MAP3K5: variants seen among roughly 807,000 people sequenced by gnomAD.
MAP3K5 encodes mitogen-activated protein kinase kinase kinase 5.
MAP3K5 carries 56 observed loss-of-function variants against 158.7 expected under a neutral mutation model. That is an observed-to-expected ratio of 0.35 (90% CI 0.28 to 0.44). MAP3K5 has a LOEUF of 0.44. MAP3K5 is among the 20% of genes least tolerant of loss of function. The pLI is 1.00. For missense variants in MAP3K5, 1,294 were observed against 1,674.8 expected (o/e 0.77, Z 3.97); for synonymous variants, 579 against 601.7 (o/e 0.96, Z 0.55).
intron 23 of MAP3K5, among the ~76,000 whole-genome samples, chr6:136,587,372 T>C (rs1334428902): frequency 1.3e-5 from 2 of 152,212 alleles, no homozygotes; most frequent in Non-Finnish European, 2.9e-5. Context: ...CAGTTAACAA[T>C]TGTGGAATAT....
At chr6:136,768,820 G>A (rs953871987) in intron 1 of MAP3K5, among the ~76,000 whole-genome samples, 1 of 152,088 alleles carries the variant, frequency 6.6e-6, no homozygotes, top group African/African-American at 2.4e-5. Flanking sequence ...GGCTAAAGCA[G>A]GAGAATCGCT....
chr6:136,662,335 CTTT>C (rs376644507), intron 8 of MAP3K5, among the ~76,000 whole-genome samples: 3,680 of 152,270 alleles, frequency 0.024, 151 homozygotes, highest in African/African-American at 0.084. Flanking sequence ...GGAACATTGT[CTTT>C]TTTAACCGCT....
chr6:136,662,495 C>T (rs150596660), intron 8 of MAP3K5, among the ~76,000 whole-genome samples: 1 of 151,970 alleles, frequency 6.6e-6, no homozygotes, highest in African/African-American at 2.4e-5. Flanking sequence ...GAAGTCCGTT[C>T]TCTCTGTCTC....
At chr6:136,754,125 T>C (rs1783350682) in intron 1 of MAP3K5, among the ~76,000 whole-genome samples, 1 of 151,576 alleles carries the variant, frequency 6.6e-6, no homozygotes, top group Admixed American at 6.6e-5. Context: ...ATACAAAAAT[T>C]ACCTGGGCCT....
chr6:136,744,454 A>G lies in MAP3K5; in HGVS notation c.449-23865T>C, dbSNP rs145374826. On this transcript the variant is annotated intron_variant, in intron 1 of 29. Coordinates refer to ENST00000359015, the MANE Select transcript of MAP3K5 (RefSeq NM_005923.4). ...AGTCTCTGTTCATGGTGTCAGGGTT[A>G]TAAGGAAGGCTCCTGACACTTTGAC... Among the ~76,000 whole-genome samples, 465 of 152,192 alleles carry G rather than the reference A, an allele frequency of 3.1e-3. 3 individuals are homozygous for G. Among genetic ancestry groups the G allele is most frequent in the African/African-American group, 0.011 (442 of 41,496 alleles).
chr6:136,712,780 C>T (rs1452109419), intron 2 of MAP3K5, among the ~76,000 whole-genome samples: 1 of 152,084 alleles, frequency 6.6e-6, no homozygotes, highest in Non-Finnish European at 1.5e-5. Flanking sequence ...GGTGGTTTCC[C>T]CCATACTGTT....
chr6:136,792,855 C>G (rs1467688950), upstream of MAP3K5, among the ~76,000 whole-genome samples: 1 of 152,228 alleles, frequency 6.6e-6, no homozygotes, highest in Non-Finnish European at 1.5e-5. The surrounding 1 kb of genome is among the most constrained non-coding windows in gnomAD (Gnocchi z 5.7). Context: ...CCACCACCAG[C>G]TTCTGGCCAC....
At chr6:136,629,892 C>T (rs1167615515) in intron 14 of MAP3K5, among the ~76,000 whole-genome samples, 1 of 152,062 alleles carries the variant, frequency 6.6e-6, no homozygotes, top group Non-Finnish European at 1.5e-5. Context: ...GCTGGGATTA[C>T]AGGCGCTTGC....
intron 10 of MAP3K5, among the ~76,000 whole-genome samples, chr6:136,652,506 T>G: frequency 6.6e-6 from 1 of 152,146 alleles, no homozygotes; most frequent in Non-Finnish European, 1.5e-5. Flanking sequence ...CATTTTCCCA[T>G]CTAAACTTTG....
intron 4 of MAP3K5, 131 bp downstream of exon 4, chr6:136,698,358 A>G: frequency 1.4e-6 from 1 of 694,228 alleles, no homozygotes; most frequent in Admixed American, 3.0e-5. Context: ...TACTTGGAGG[A>G]TAATAAACAT....
chr6:136,719,274 A>G (rs1198025681), intron 2 of MAP3K5, among the ~76,000 whole-genome samples: 1 of 152,218 alleles, frequency 6.6e-6, no homozygotes, highest in African/African-American at 2.4e-5. Context: ...TATGGGTTGC[A>G]AATAGCAGCA....
At position 136,613,074 on chromosome 6, in the gene MAP3K5, C is replaced by T; in HGVS notation, c.2415+46G>A. On this transcript the variant is annotated intron_variant, in intron 17 of 29. Coordinates refer to ENST00000359015, the MANE Select transcript of MAP3K5 (RefSeq NM_005923.4). This position sits in a 1 kb window ranked among gnomAD's most constrained non-coding sequence, Gnocchi z 4.0. ...ATGACTTTTGCAAGTAAAATAATAA[C>T]CCAGCAAAGAAAGAACTCATGAAAA... 6.5e-7 allele frequency: 1 copy of T among 1,538,008 alleles called. No individual in the cohort carries two copies.
intron 9 of MAP3K5, among the ~76,000 whole-genome samples, chr6:136,658,187 G>A (rs1030515360): frequency 1.3e-5 from 2 of 152,130 alleles, no homozygotes; most frequent in African/African-American, 4.8e-5. Flanking sequence ...GGCTCTGAGC[G>A]GCTCTGGAAA....
intron 1 of MAP3K5, among the ~76,000 whole-genome samples, chr6:136,727,776 C>T (rs2876345): frequency 6.6e-6 from 1 of 151,228 alleles, no homozygotes; most frequent in South Asian, 2.1e-4. Context: ...CTGGCTAACA[C>T]GGTGAAACCC....
intron 2 of MAP3K5, among the ~76,000 whole-genome samples, chr6:136,712,864 A>G (rs916456485): frequency 6.6e-6 from 1 of 152,038 alleles, no homozygotes; most frequent in African/African-American, 2.4e-5. Context: ...GGCTCATTCT[A>G]TCTTGTCTGC....
At chr6:136,733,347 C>T (rs917633594) in intron 1 of MAP3K5, among the ~76,000 whole-genome samples, 2 of 152,074 alleles carry the variant, frequency 1.3e-5, no homozygotes, top group African/African-American at 2.4e-5. Context: ...TTGAGGGAGC[C>T]CTGCAAATAC....
At chr6:136,707,519 A>G (rs1191822386) in intron 2 of MAP3K5, among the ~76,000 whole-genome samples, 2 of 151,316 alleles carry the variant, frequency 1.3e-5, no homozygotes, top group African/African-American at 2.4e-5. Context: ...AAGACAGTTC[A>G]GTTGGGGACC....
At chr6:136,636,687 A>G (rs1486701962) in intron 14 of MAP3K5, 1 of 309,152 alleles carries the variant, frequency 3.2e-6, no homozygotes, top group African/African-American at 2.3e-5. Context: ...TCACGCCTGT[A>G]ATTCTAGTGC....
chr6:136,670,925 T>A (rs1170424144), intron 7 of MAP3K5, among the ~76,000 whole-genome samples: 1 of 152,098 alleles, frequency 6.6e-6, no homozygotes, highest in Non-Finnish European at 1.5e-5. Context: ...CATTCTAAAA[T>A]GAAAAAAGTA....
Sources: gnomAD v4.1 joint callset for allele counts (sites outside exome capture counted in the v4.1 genomes callset) on GRCh38, gnomAD v4.1.1 for gene constraint, Gnocchi (gnomAD v3.1) non-coding constraint, MANE v1.5 for transcripts, NCBI Gene and HGNC (gene_info 2026-07-23, HGNC 2026-07-21) for gene names.